NAALADL2: variants seen among roughly 807,000 people sequenced by gnomAD.
NAALADL2 encodes inactive N-acetylated-alpha-linked acidic dipeptidase-like protein 2.
A neutral mutation model predicts 87.2 loss-of-function variants in NAALADL2; 76 were observed. The observed-to-expected ratio is 0.87, with a 90% confidence interval of 0.72 to 1.05. The LOEUF (loss-of-function observed/expected upper bound fraction) is 1.05. NAALADL2 is among the 50% of genes least tolerant of loss of function. The probability of loss-of-function intolerance (pLI) is 0.00; values close to 1 mark genes in which losing one functional copy is unlikely to be tolerated. For missense variants in NAALADL2, 1,089 were observed against 945.8 expected, an observed-to-expected ratio of 1.15 and a Z score of -1.99; for synonymous variants, 354 against 331.0, an observed-to-expected ratio of 1.07 and a Z score of -0.75.
intron 11 of NAALADL2, among the ~76,000 whole-genome samples, chr3:175,730,469 CGT>C (rs1445910003): frequency 2.0e-4 from 27 of 133,042 alleles, no homozygotes; most frequent in Non-Finnish European, 3.4e-4. Flanking sequence ...CACACACACA[CGT>C]GTGTGTGTGC....
intron 5 of NAALADL2, among the ~76,000 whole-genome samples, chr3:175,405,750 T>A (rs1205736898): frequency 6.6e-6 from 1 of 152,214 alleles, no homozygotes; most frequent in Non-Finnish European, 1.5e-5. Context: ...GGCCTTGTGT[T>A]ACATTGTTTG....
chr3:175,795,330 T>C (rs1753325187), intron 13 of NAALADL2, among the ~76,000 whole-genome samples: 1 of 152,188 alleles, frequency 6.6e-6, no homozygotes, highest in African/African-American at 2.4e-5. Context: ...CATGATTTAC[T>C]AATGATATCT....
At chr3:175,014,259 A>G (rs1750533221) in intron 1 of NAALADL2, among the ~76,000 whole-genome samples, 1 of 151,998 alleles carries the variant, frequency 6.6e-6, no homozygotes, top group African/African-American at 2.4e-5. Flanking sequence ...TCTGTTAGGT[A>G]TCTGTATGGG....
chr3:175,345,203 A>T (rs1340253127), intron 5 of NAALADL2, among the ~76,000 whole-genome samples: 1 of 152,232 alleles, frequency 6.6e-6, no homozygotes, highest in Non-Finnish European at 1.5e-5. Flanking sequence ...AAAATAAATA[A>T]AAATTAAATA....
chr3:174,558,268 T>C (rs925910281), intron 2 of NAALADL2, among the ~76,000 whole-genome samples: 3 of 152,108 alleles, frequency 2.0e-5, no homozygotes, highest in Admixed American at 1.3e-4. Flanking sequence ...ACTGCGCTTG[T>C]TTCCTCTAGC....
chr3:174,975,916 C>A (rs1303888345), intron 1 of NAALADL2, among the ~76,000 whole-genome samples: 2 of 152,130 alleles, frequency 1.3e-5, no homozygotes, highest in Admixed American at 6.5e-5. Flanking sequence ...GTGTCTAACA[C>A]CTTGATTTTA....
chr3:174,852,557 T>C lies in NAALADL2; in HGVS notation c.-9+114811T>C, dbSNP rs147139019. Among the ~76,000 whole-genome samples, 551 of 152,148 alleles carry C rather than the reference T, an allele frequency of 3.6e-3. 3 individuals carry two copies. Among genetic ancestry groups the C allele is most frequent in the Middle Eastern group, 0.02 (6 of 294 alleles). Reference sequence around the variant, plus strand: ...AACTATAAAACATTGATGAAAGAAATTGAAGAGGACACAAAAACATGGAAA... The same window carrying C: ...AACTATAAAACATTGATGAAAGAAACTGAAGAGGACACAAAAACATGGAAA... On this transcript the variant is annotated intron_variant, in intron 3 of 3. Coordinates refer to the NAALADL2 transcript ENST00000434257.
chr3:174,578,867 A>C lies in NAALADL2; in HGVS notation c.-115+28230A>C, dbSNP rs1352386198. 2.6e-5 allele frequency among the ~76,000 whole-genome samples: 4 copies of C among 152,004 alleles called. No individual in the cohort carries two copies. In the East Asian group the frequency reaches 7.7e-4, roughly 29 times the overall value. On this transcript the variant is annotated intron_variant, in intron 2 of 3. Coordinates refer to the NAALADL2 transcript ENST00000434257. ...ATAAAGTCCCAATTTAGAATGTGAT[A>C]AGCCACAAACTGGGCAAAATATTTA...
intron 5 of NAALADL2, among the ~76,000 whole-genome samples, chr3:175,412,705 TAAATA>T (rs1167161401): frequency 6.6e-6 from 1 of 151,716 alleles, no homozygotes; most frequent in Non-Finnish European, 1.5e-5. Context: ...CAAAAATAAG[TAAATA>T]AAATAAGAGA....
At chr3:174,787,127 A>G (rs1400705126) in intron 3 of NAALADL2, among the ~76,000 whole-genome samples, 1 of 151,978 alleles carries the variant, frequency 6.6e-6, no homozygotes, top group Non-Finnish European at 1.5e-5. Flanking sequence ...AAGTGAAATG[A>G]CCCATTTTAT....
rs1729263000 is a variant in NAALADL2 at position 174,698,757 on chromosome 3, G to T, written c.-114-38884G>T. 1.5e-5 allele frequency among the ~76,000 whole-genome samples: 2 copies of T among 133,176 alleles called. 1 individual carries two copies. The highest frequency in any genetic ancestry group is 6.6e-5 in the African/African-American group (2 of 30,402). The allele number at this position is 133,176 out of a possible 152,430, so 87.4% of individuals were successfully genotyped here. ...CGGGCGCCTTTAGTCCCAGCTACTT[G>T]GGAGGCTGAGGCAGGAGAATGGCGT... is the stretch of plus-strand genomic sequence containing the variant. On this transcript the variant is annotated intron_variant, in intron 2 of 3. Transcript: ENST00000434257.
At chr3:175,353,646 C>A (rs1245057394) in intron 5 of NAALADL2, among the ~76,000 whole-genome samples, 3 of 152,084 alleles carry the variant, frequency 2.0e-5, no homozygotes, top group African/African-American at 7.2e-5. Context: ...AAAGACTCTT[C>A]AAAGAAAATG....
At chr3:175,514,937 G>A (rs1731639077) in intron 9 of NAALADL2, among the ~76,000 whole-genome samples, 1 of 152,178 alleles carries the variant, frequency 6.6e-6, no homozygotes, top group African/African-American at 2.4e-5. Flanking sequence ...CACTGGGGAT[G>A]AATATCTGAA....
At chr3:175,232,216 G>GAAT (rs1745061359) in intron 2 of NAALADL2, among the ~76,000 whole-genome samples, 3 of 135,778 alleles carry the variant, frequency 2.2e-5, no homozygotes, top group Non-Finnish European at 4.9e-5. Flanking sequence ...AACAAGAAGA[G>GAAT]AAGAAGAAGA....
intron 2 of NAALADL2, among the ~76,000 whole-genome samples, chr3:175,209,104 T>C (rs1741391975): frequency 2.0e-5 from 3 of 152,096 alleles, no homozygotes; most frequent in Admixed American, 2.0e-4. Flanking sequence ...TTCTCTACTT[T>C]TAGTGGGTCT....
At chr3:174,595,887 C>T (rs1578258809) in intron 2 of NAALADL2, among the ~76,000 whole-genome samples, 1 of 152,116 alleles carries the variant, frequency 6.6e-6, no homozygotes, top group Non-Finnish European at 1.5e-5. Flanking sequence ...TGGCGCATGC[C>T]TGTAATCCCA....
intron 2 of NAALADL2, among the ~76,000 whole-genome samples, chr3:175,188,044 G>A (rs1737605135): frequency 6.6e-6 from 1 of 152,206 alleles, no homozygotes; most frequent in African/African-American, 2.4e-5. Flanking sequence ...GCAACAAACT[G>A]ATTCTAGGTG....
At chr3:174,774,982 C>G (rs909153363) in intron 3 of NAALADL2, among the ~76,000 whole-genome samples, 6 of 152,172 alleles carry the variant, frequency 3.9e-5, no homozygotes, top group African/African-American at 1.2e-4. Flanking sequence ...TGCTTGTACC[C>G]TTGGAAATGA....
intron 1 of NAALADL2, among the ~76,000 whole-genome samples, chr3:174,903,241 A>C (rs2108266033): frequency 1.3e-5 from 2 of 152,234 alleles, no homozygotes; most frequent in South Asian, 4.1e-4. Flanking sequence ...ATATTAGCCA[A>C]GAAATACTAC....
Sources: allele counts gnomAD v4.1 joint callset (sites outside exome capture counted in the v4.1 genomes callset), GRCh38; gene constraint gnomAD v4.1.1; transcripts MANE v1.5; gene names NCBI Gene and HGNC (gene_info 2026-07-23, HGNC 2026-07-21).